Variants in SDK1 observed in about 807,000 individuals in gnomAD.
SDK1 encodes sidekick cell adhesion molecule 1, also known as protein sidekick-1.
In SDK1, 157 loss-of-function variants were observed where a neutral mutation model predicts 245.5. That is an observed-to-expected ratio of 0.64 (90% CI 0.56 to 0.73). The LOEUF is 0.73. Ranked by LOEUF, SDK1 falls within the 30% of genes least tolerant of loss-of-function variation. The pLI, the probability that SDK1 is intolerant of heterozygous loss-of-function variation, is 0.00. For missense variants in SDK1, 3,583 were observed against 3,002.3 expected (o/e 1.19, Z -4.52); for synonymous variants, 1,647 against 1,278.5 (o/e 1.29, Z -6.15).
chr7:4,196,129 T>A (rs1783562878), intron 35 of SDK1, among the ~76,000 whole-genome samples: 2 of 152,138 alleles, frequency 1.3e-5, no homozygotes, highest in South Asian at 4.1e-4. Context: ...CAGATTCAGG[T>A]TTGAATCTAG....
intron 26 of SDK1, 135 bp from the exon 27 acceptor site, chr7:4,129,773 C>G (rs1362733758): frequency 2.0e-6 from 3 of 1,499,366 alleles, no homozygotes; most frequent in Non-Finnish European, 2.7e-6. Context: ...GATCCAGAAG[C>G]CCTGCACACA....
chr7:4,155,792 G>T (rs1354147263), intron 30 of SDK1, among the ~76,000 whole-genome samples: 1 of 152,110 alleles, frequency 6.6e-6, no homozygotes, highest in Non-Finnish European at 1.5e-5. Context: ...CACCTCCTGG[G>T]TGTTCTTGGC....
At chr7:3,687,326 A>C (rs1476272725) in intron 4 of SDK1, among the ~76,000 whole-genome samples, 2 of 152,096 alleles carry the variant, frequency 1.3e-5, no homozygotes, top group African/African-American at 4.8e-5. Flanking sequence ...ATGGGGTTTC[A>C]CTATGTTGGC....
chr7:3,917,094 A>G (rs1455079847), intron 5 of SDK1, among the ~76,000 whole-genome samples: 1 of 152,248 alleles, frequency 6.6e-6, no homozygotes, highest in East Asian at 1.9e-4. Context: ...TTTCTATCAA[A>G]TGAATCCTGA....
chr7:3,437,715 C>G (rs892144744), intron 1 of SDK1, among the ~76,000 whole-genome samples: 1 of 152,174 alleles, frequency 6.6e-6, no homozygotes, highest in Admixed American at 6.5e-5. Context: ...TGCCACTGCA[C>G]TCCAGCCTGG....
At chr7:3,815,086 C>T (rs1163959667) in intron 4 of SDK1, among the ~76,000 whole-genome samples, 1 of 112,318 alleles carries the variant, frequency 8.9e-6, no homozygotes, top group African/African-American at 3.9e-5. Flanking sequence ...TCCTCTTTTC[C>T]TAATTGAATA....
At chr7:3,394,997 GT>G (rs1781857199) in intron 1 of SDK1, among the ~76,000 whole-genome samples, 1 of 151,916 alleles carries the variant, frequency 6.6e-6, no homozygotes, top group African/African-American at 2.4e-5. Flanking sequence ...TCTTTTATTT[GT>G]TTTTCTTGGG....
At chr7:3,767,052 G>C (rs992506737) in intron 4 of SDK1, among the ~76,000 whole-genome samples, 1 of 152,194 alleles carries the variant, frequency 6.6e-6, no homozygotes, top group African/African-American at 2.4e-5. Flanking sequence ...AGCTAGGAAG[G>C]AAGTAGGGAT....
intron 2 of SDK1, among the ~76,000 whole-genome samples, chr7:3,627,169 T>G (rs1782147658): frequency 6.6e-6 from 1 of 152,110 alleles, no homozygotes; most frequent in Non-Finnish European, 1.5e-5. Context: ...GCTCAAATGA[T>G]TCACCCAGCT....
intron 5 of SDK1, among the ~76,000 whole-genome samples, chr7:3,904,773 C>T (rs1461298198): frequency 6.6e-6 from 1 of 152,054 alleles, no homozygotes; most frequent in Non-Finnish European, 1.5e-5. Flanking sequence ...GAGGGGGGAT[C>T]ACAAGGTCAG....
chr7:4,244,069 C>G (rs1272589306), intron 43 of SDK1, among the ~76,000 whole-genome samples: 2 of 152,194 alleles, frequency 1.3e-5, no homozygotes, highest in East Asian at 3.9e-4. Context: ...CTTCACTGGG[C>G]CTTTCCAGGA....
intron 1 of SDK1, among the ~76,000 whole-genome samples, chr7:3,363,368 A>G (rs1435273257): frequency 2.0e-5 from 3 of 151,988 alleles, no homozygotes; most frequent in African/African-American, 7.3e-5. Context: ...CCATTCACCT[A>G]TTAAAGACAT....
chr7:3,636,339 A>G (rs1437404105), intron 2 of SDK1, among the ~76,000 whole-genome samples: 2 of 152,104 alleles, frequency 1.3e-5, no homozygotes, highest in Non-Finnish European at 1.5e-5. Flanking sequence ...TATGGCTGAA[A>G]CTTCCTGCCC....
chr7:3,365,017 T>C (rs1365194127), intron 1 of SDK1, among the ~76,000 whole-genome samples: 1 of 152,216 alleles, frequency 6.6e-6, no homozygotes, highest in Non-Finnish European at 1.5e-5. Flanking sequence ...TAATTTTCTT[T>C]GGAGCGATTG....
chr7:3,869,260 A>T (rs1780899625), intron 5 of SDK1, among the ~76,000 whole-genome samples: 1 of 149,152 alleles, frequency 6.7e-6, no homozygotes, highest in Admixed American at 6.8e-5. Flanking sequence ...GGTTCAAGCG[A>T]TTCTCCTGCC....
At chr7:3,705,766 A>G (rs956299883) in intron 4 of SDK1, among the ~76,000 whole-genome samples, 1 of 151,518 alleles carries the variant, frequency 6.6e-6, no homozygotes, top group Non-Finnish European at 1.5e-5. Flanking sequence ...ATCTTGCCTG[A>G]TTCCTCTGGC....
chr7:3,660,680 A>G (rs990279727), intron 4 of SDK1, among the ~76,000 whole-genome samples: 2 of 152,234 alleles, frequency 1.3e-5, no homozygotes, highest in African/African-American at 2.4e-5. Context: ...GGATCAAACA[A>G]CCATAGCAGC....
At position 4,121,568 on chromosome 7, in the gene SDK1, A is replaced by G. The variant is rs930781453; in HGVS notation, c.3824-5813A>G. On this transcript the variant is annotated intron_variant, in intron 25 of 44. Coordinates refer to ENST00000404826, the MANE Select transcript of SDK1 (RefSeq NM_152744.4). ...TCCAGCCATGTGTAACTCTGAGTCAATTAAACCTCTTTCCTTTATAAACTA... is the reference window on the plus strand; with the variant it reads ...TCCAGCCATGTGTAACTCTGAGTCAGTTAAACCTCTTTCCTTTATAAACTA... Among the ~76,000 whole-genome samples, 6 of 152,202 alleles carry G rather than the reference A, an allele frequency of 3.9e-5. No homozygotes were observed. The South Asian group carries it at 6.2e-4, about 16-fold the overall frequency.
chr7:3,429,681 C>T (rs951913441), intron 1 of SDK1, among the ~76,000 whole-genome samples: 3 of 150,848 alleles, frequency 2.0e-5, no homozygotes, highest in Non-Finnish European at 4.4e-5. Context: ...ACTGCAGCTT[C>T]AGCCTCCTGG....
Sources: allele counts gnomAD v4.1 joint callset (sites outside exome capture counted in the v4.1 genomes callset), GRCh38; gene constraint gnomAD v4.1.1; transcripts MANE v1.5; gene names NCBI Gene and HGNC (gene_info 2026-07-23, HGNC 2026-07-21).